FIP1L1: variants seen among roughly 807,000 people sequenced by gnomAD.
The protein encoded by FIP1L1 is factor interacting with PAPOLA and CPSF1, also known as pre-mRNA 3'-end-processing factor FIP1.
Under a neutral mutation model 84.6 loss-of-function variants are expected in FIP1L1, and 21 were observed. That is an observed-to-expected ratio of 0.25 (90% CI 0.18 to 0.36). FIP1L1 has a LOEUF of 0.36. Ranked by LOEUF, FIP1L1 falls within the 10% of genes least tolerant of loss-of-function variation. The pLI, the probability that FIP1L1 is intolerant of heterozygous loss-of-function variation, is 1.00. For synonymous variants in FIP1L1, 263 were observed against 242.3 expected (o/e 1.09, Z -0.80); for missense variants, 526 against 751.1 (o/e 0.70, Z 3.50).
At chr4:53,383,954 G>A in intron 5 of FIP1L1, 78 bp downstream of exon 5, 2 of 1,265,198 alleles carry the variant, frequency 1.6e-6, no homozygotes, top group Admixed American at 2.5e-5. Flanking sequence ...AACTCTCAGT[G>A]GTTGAGTCCA....
At chr4:53,432,837 T>TACA (rs549300739) in intron 13 of FIP1L1, among the ~76,000 whole-genome samples, 401 of 152,288 alleles carry the variant, frequency 2.6e-3, no homozygotes, top group African/African-American at 9.1e-3. Flanking sequence ...ATCCAGAAAA[T>TACA]CGTATTATTG....
chr4:53,395,802 C>A lies in FIP1L1; in HGVS notation c.706-3928C>A, dbSNP rs538147343. On this transcript the variant is annotated intron_variant, in intron 9 of 17. Coordinates refer to ENST00000337488, the MANE Select transcript of FIP1L1 (RefSeq NM_030917.4). The stretch of plus-strand genomic sequence containing the variant: ...TTTTTCTGATTTCTTATTTATATAT[C>A]TCAGCATCACAGGGTTGAAAAGCAC... Among the ~76,000 whole-genome samples, 25 of 152,098 alleles carry A rather than the reference C, an allele frequency of 1.6e-4. 1 individual carries two copies. In the South Asian group the frequency reaches 4.6e-3, roughly 28 times the overall value.
chr4:53,404,020 T>TTA (rs1027880872), intron 10 of FIP1L1, among the ~76,000 whole-genome samples: 4 of 151,452 alleles, frequency 2.6e-5, no homozygotes, highest in African/African-American at 9.7e-5. Flanking sequence ...CTTTTTTTTT[T>TTA]TTATTATACT....
intron 10 of FIP1L1, among the ~76,000 whole-genome samples, chr4:53,408,401 G>A (rs1755031517): frequency 1.3e-5 from 2 of 152,112 alleles, no homozygotes; most frequent in African/African-American, 4.8e-5. Flanking sequence ...TGGGTAACCC[G>A]ACCTTTCTCT....
intron 9 of FIP1L1, among the ~76,000 whole-genome samples, chr4:53,394,667 A>C (rs910906256): frequency 2.0e-5 from 3 of 152,026 alleles, no homozygotes; most frequent in African/African-American, 7.2e-5. Context: ...ATCTAATTTC[A>C]AAGTTCTAAA....
At chr4:53,382,551 A>G (rs1287215630) in intron 4 of FIP1L1, among the ~76,000 whole-genome samples, 2 of 152,264 alleles carry the variant, frequency 1.3e-5, no homozygotes, top group Admixed American at 1.3e-4. Flanking sequence ...GGAAAATAGT[A>G]TGTGCAAAGG....
intron 15 of FIP1L1, among the ~76,000 whole-genome samples, chr4:53,445,437 G>T (rs541625053): frequency 7.9e-5 from 12 of 152,180 alleles, no homozygotes; most frequent in Middle Eastern, 3.4e-3. Context: ...AGAGAGAAAA[G>T]AACAAGTTTA....
At position 53,459,472 on chromosome 4, in the gene FIP1L1, A is replaced by C. The variant is rs772409391; in HGVS notation, c.*23A>C. 6.2e-7 allele frequency: 1 copy of C among 1,613,190 alleles called. No individual in the cohort carries two copies. Among genetic ancestry groups the C allele is most frequent in the East Asian group, 2.2e-5 (1 of 44,868 alleles). On this transcript the variant is annotated 3_prime_UTR_variant, in exon 18 of 18. Coordinates refer to ENST00000337488, the MANE Select transcript of FIP1L1 (RefSeq NM_030917.4). ...TAGGCATGGTTTTGGCCTTTTGTGT[A>C]TATTAGTACCAGAAGTAGATACTAT...
chr4:53,442,445 T>C (rs1474803141), intron 13 of FIP1L1: 1 of 464,268 alleles, frequency 2.2e-6, no homozygotes, highest in African/African-American at 2.0e-5. Context: ...TTGTTTTCTG[T>C]GTATTAGACC....
intron 13 of FIP1L1, among the ~76,000 whole-genome samples, chr4:53,436,493 A>T (rs1769254358): frequency 6.6e-6 from 1 of 152,238 alleles, no homozygotes; most frequent in African/African-American, 2.4e-5. Flanking sequence ...TGCCAGTGAA[A>T]TAGAAATAAC....
At chr4:53,439,586 AT>A (rs1056040831) in intron 13 of FIP1L1, among the ~76,000 whole-genome samples, 18 of 152,130 alleles carry the variant, frequency 1.2e-4, no homozygotes, top group African/African-American at 3.4e-4. Flanking sequence ...AAATTAGATT[AT>A]TTTTTGGACT....
chr4:53,382,188 G>A, intron 3 of FIP1L1, 90 bp from the exon 4 acceptor site: 2 of 862,146 alleles, frequency 2.3e-6, no homozygotes, highest in Non-Finnish European at 3.7e-6. Context: ...AATTTTAGGA[G>A]CTTTATTAAA....
Position 53,390,563 on chromosome 4 carries a change from T to C in FIP1L1, c.440T>C (p.Ile147Thr). 6.2e-7 allele frequency: 1 copy of C among 1,613,528 alleles called. No homozygotes were observed. The highest frequency in any genetic ancestry group is 8.5e-7 in the Non-Finnish European group (1 of 1,179,578). ...KGVDLDAPGS[I>T]NGVPLLEVDL... ...GTAGACCTTGATGCACCTGGAAGCA[T>C]TAATGGAGTTCCACTCTTAGAGGTA... Residue 147 changes from isoleucine to threonine, a missense_variant, in exon 7 of 18, where the codon ATT (isoleucine) becomes ACT (threonine). Physicochemically the swap from Ile to Thr is moderately conservative, Grantham distance 89. This residue lies in a region of FIP1L1 where 169 missense variants were observed against 206.9 expected (regional missense o/e 0.82). Transcript: ENST00000337488.
At chr4:53,419,680 T>C (rs1761303301) in intron 11 of FIP1L1, among the ~76,000 whole-genome samples, 1 of 152,054 alleles carries the variant, frequency 6.6e-6, no homozygotes, top group African/African-American at 2.4e-5. Flanking sequence ...CTCAAGTGAT[T>C]CTCCTGCCTC....
rs192383721 is a variant in FIP1L1 at position 53,408,462 on chromosome 4, G to A, written c.816-6153G>A. 3.3e-3 allele frequency among the ~76,000 whole-genome samples: 503 copies of A among 152,190 alleles called. 2 individuals are homozygous for A. The highest frequency in any genetic ancestry group is 0.011 in the African/African-American group (464 of 41,524). On this transcript the variant is annotated intron_variant, in intron 10 of 17. Coordinates refer to ENST00000337488, the MANE Select transcript of FIP1L1 (RefSeq NM_030917.4). The stretch of plus-strand genomic sequence containing the variant: ...TCATTTCATCTTTGGTGAATCTGAC[G>A]ATTATGTGTCTTGGAGTTGCTCTTC...
chr4:53,382,933 G>C (rs1312055149), intron 4 of FIP1L1, among the ~76,000 whole-genome samples: 1 of 151,920 alleles, frequency 6.6e-6, no homozygotes, highest in Non-Finnish European at 1.5e-5. Flanking sequence ...TATAGAATTT[G>C]CATGTAGGGC....
At chr4:53,439,118 A>G (rs1486851397) in intron 13 of FIP1L1, among the ~76,000 whole-genome samples, 1 of 152,162 alleles carries the variant, frequency 6.6e-6, no homozygotes, top group Non-Finnish European at 1.5e-5. Context: ...GTTGTAGTAT[A>G]TATTAAAAAC....
intron 10 of FIP1L1, among the ~76,000 whole-genome samples, chr4:53,414,170 C>G (rs533626624): frequency 1.5e-4 from 23 of 152,136 alleles, no homozygotes; most frequent in South Asian, 1.2e-3. Context: ...TGAAACACGT[C>G]AGAGTGTTGC....
At chr4:53,452,787 C>T (rs1163319829) in intron 15 of FIP1L1, 133 bp from the exon 16 acceptor site, 27 of 644,262 alleles carry the variant, frequency 4.2e-5, no homozygotes, top group Middle Eastern at 4.2e-4. Context: ...TGTGGGTATT[C>T]ATTCACCATG....
Sources: allele counts gnomAD v4.1 joint callset (sites outside exome capture counted in the v4.1 genomes callset), GRCh38; gene constraint gnomAD v4.1.1; regional missense constraint gnomAD v4.1.1; transcripts MANE v1.5; gene names NCBI Gene and HGNC (gene_info 2026-07-23, HGNC 2026-07-21).